Variants in KCTD8 observed in about 807,000 individuals in gnomAD.
KCTD8 encodes potassium channel tetramerization domain containing 8, also known as BTB/POZ domain-containing protein KCTD8.
In KCTD8, 27 loss-of-function variants were observed where a neutral mutation model predicts 31.5. That is an observed-to-expected ratio of 0.86 (90% confidence interval 0.63 to 1.18). The LOEUF (loss-of-function observed/expected upper bound fraction) is 1.18. Ranked by LOEUF, KCTD8 falls within the 50% of genes most tolerant of loss-of-function variation. KCTD8 has a pLI of 0.00. For synonymous variants in KCTD8, 290 were observed against 280.0 expected, an observed-to-expected ratio of 1.04 and a Z score of -0.36; for missense variants, 658 against 647.7, an observed-to-expected ratio of 1.02 and a Z score of -0.17.
At chr4:44,218,626 A>G (rs958408812) in intron 1 of KCTD8, among the ~76,000 whole-genome samples, 1 of 142,246 alleles carries the variant, frequency 7.0e-6, no homozygotes, top group African/African-American at 2.6e-5. Flanking sequence ...CACAAAAATT[A>G]AAAAATAAAT....
At chr4:44,230,994 G>C (rs1447091499) in intron 1 of KCTD8, among the ~76,000 whole-genome samples, 2 of 152,076 alleles carry the variant, frequency 1.3e-5, no homozygotes, top group Non-Finnish European at 2.9e-5. Flanking sequence ...CGATTTCGCT[G>C]GCAAATTTAT....
intron 1 of KCTD8, among the ~76,000 whole-genome samples, chr4:44,336,409 C>T (rs1176741970): frequency 2.0e-5 from 3 of 151,400 alleles, no homozygotes; most frequent in Admixed American, 6.6e-5. Context: ...ATTAGAAAAT[C>T]AAGAATAAAT....
chr4:44,311,702 G>C (rs1323964100), intron 1 of KCTD8, among the ~76,000 whole-genome samples: 4 of 151,826 alleles, frequency 2.6e-5, no homozygotes, highest in Non-Finnish European at 5.9e-5. Flanking sequence ...TTATAGTGTG[G>C]AGCTGAGATG....
At chr4:44,401,015 T>TC (rs1380440763) in intron 1 of KCTD8, among the ~76,000 whole-genome samples, 27 of 136,506 alleles carry the variant, frequency 2.0e-4, no homozygotes, top group African/African-American at 7.1e-4. Flanking sequence ...TTCTTTCTTT[T>TC]TTTTTTTTTT....
At chr4:44,343,418 T>G (rs922806318) in intron 1 of KCTD8, among the ~76,000 whole-genome samples, 38 of 152,018 alleles carry the variant, frequency 2.5e-4, no homozygotes, top group African/African-American at 9.2e-4. Context: ...ACAAATAAAA[T>G]AGTGACATCA....
At chr4:44,237,926 C>T (rs977307913) in intron 1 of KCTD8, among the ~76,000 whole-genome samples, 1 of 152,036 alleles carries the variant, frequency 6.6e-6, no homozygotes, top group Non-Finnish European at 1.5e-5. Context: ...GTGTACATAC[C>T]CAAATCTGCT....
At chr4:44,298,893 G>A (rs1005484256) in intron 1 of KCTD8, among the ~76,000 whole-genome samples, 1 of 152,056 alleles carries the variant, frequency 6.6e-6, no homozygotes, top group African/African-American at 2.4e-5. Context: ...TTTGAAAAAA[G>A]CTATTCACAT....
chr4:44,226,216 G>T (rs187465660), intron 1 of KCTD8, among the ~76,000 whole-genome samples: 15 of 151,958 alleles, frequency 9.9e-5, no homozygotes, highest in Admixed American at 7.9e-4. Context: ...GACAGGCCCC[G>T]GTGTGTGATG....
intron 1 of KCTD8, among the ~76,000 whole-genome samples, chr4:44,311,278 T>C (rs1193461479): frequency 6.6e-6 from 1 of 152,064 alleles, no homozygotes; most frequent in Non-Finnish European, 1.5e-5. Flanking sequence ...TCTCTCTCTC[T>C]CCCCACCTTA....
At position 44,182,637 on chromosome 4, in the gene KCTD8, G is replaced by A. The variant is rs1190096669; in HGVS notation, c.962-7387C>T. ...CACTCCCTAATCTCAAGTAACCAGG[G>A]ACACAAACACTGCGGAAGGCCACAG... On this transcript the variant is annotated intron_variant, in intron 1 of 1. Transcript: ENST00000360029. Among the ~76,000 whole-genome samples, 7 of 152,086 alleles carry A rather than the reference G, an allele frequency of 4.6e-5. No homozygotes were observed. In the South Asian group the frequency reaches 8.3e-4, roughly 18 times the overall value.
At chr4:44,185,174 G>T (rs1304140420) in intron 1 of KCTD8, among the ~76,000 whole-genome samples, 1 of 152,052 alleles carries the variant, frequency 6.6e-6, no homozygotes, top group African/African-American at 2.4e-5. Flanking sequence ...CGTAAACCAT[G>T]CGCACATTCA....
At chr4:44,367,822 GAT>G (rs1238759060) in intron 1 of KCTD8, among the ~76,000 whole-genome samples, 1 of 149,442 alleles carries the variant, frequency 6.7e-6, no homozygotes, top group African/African-American at 2.5e-5. Context: ...CTCATGATTT[GAT>G]ATAACCTTTA....
At chr4:44,324,868 T>G (rs1328179130) in intron 1 of KCTD8, among the ~76,000 whole-genome samples, 1 of 152,018 alleles carries the variant, frequency 6.6e-6, no homozygotes, top group East Asian at 1.9e-4. Context: ...ATTTGAAATT[T>G]GAATGTTCCA....
At chr4:44,427,347 G>C (rs1721373992) in intron 1 of KCTD8, among the ~76,000 whole-genome samples, 1 of 151,202 alleles carries the variant, frequency 6.6e-6, no homozygotes, top group South Asian at 2.1e-4. Context: ...TGCAATATTA[G>C]ATATGCTTTG....
chr4:44,443,249 C>G (rs1362615699), intron 1 of KCTD8, among the ~76,000 whole-genome samples: 1 of 152,112 alleles, frequency 6.6e-6, no homozygotes. Flanking sequence ...AAATAATCAA[C>G]TTTTAAAATT....
chr4:44,204,211 A>G (rs1714234370), intron 1 of KCTD8, among the ~76,000 whole-genome samples: 4 of 152,194 alleles, frequency 2.6e-5, no homozygotes, highest in African/African-American at 7.2e-5. Context: ...CTTTAACTTC[A>G]GAGTGAAGTA....
rs1043876083 is a variant in KCTD8 at position 44,428,640 on chromosome 4, A to C, written c.961+18923T>G. Among the ~76,000 whole-genome samples the C allele has an allele frequency of 3.1e-4, 47 of 151,760 alleles. 1 individual carries two copies. The highest frequency in any genetic ancestry group is 1.5e-5 in the Non-Finnish European group (1 of 67,828). On this transcript the variant is annotated intron_variant, in intron 1 of 1. Transcript: ENST00000360029. ...TGTCAGAGTATCCACAGACCTCCAA[A>C]AGGTCCCTGTACCTCAGATTAAATA...
At chr4:44,244,847 T>TCG (rs1234504900) in intron 1 of KCTD8, among the ~76,000 whole-genome samples, 1 of 132,744 alleles carries the variant, frequency 7.5e-6, no homozygotes, top group Non-Finnish European at 1.6e-5. Flanking sequence ...CCTGTAGTTG[T>TCG]GGGGGGGGGG....
chr4:44,231,706 T>A (rs967471487), intron 1 of KCTD8, among the ~76,000 whole-genome samples: 2 of 152,122 alleles, frequency 1.3e-5, no homozygotes, highest in Non-Finnish European at 2.9e-5. Context: ...CTACAAAAAA[T>A]TAATTGCACT....
Sources: allele counts gnomAD v4.1 joint callset (sites outside exome capture counted in the v4.1 genomes callset), GRCh38; gene constraint gnomAD v4.1.1; transcripts MANE v1.5; gene names NCBI Gene and HGNC (gene_info 2026-07-23, HGNC 2026-07-21).